ZNF385D: variants seen among roughly 807,000 people sequenced by gnomAD.
ZNF385D encodes zinc finger protein 385D.
In ZNF385D, 15 loss-of-function variants were observed where a neutral mutation model predicts 35.8. The ratio of observed to expected loss-of-function variants is 0.42; its 90% confidence interval spans 0.28 to 0.64. ZNF385D has a LOEUF of 0.64. Among genes scored for constraint, ZNF385D ranks in the 30% least tolerant of loss-of-function variants. ZNF385D has a pLI of 0.23. For missense variants in ZNF385D, 474 were observed against 494.6 expected (o/e 0.96, Z 0.39); for synonymous variants, 212 against 186.8 (o/e 1.13, Z -1.10).
intron 2 of ZNF385D, among the ~76,000 whole-genome samples, chr3:22,359,089 AAAACAAG>A (rs1315341692): frequency 1.5e-5 from 2 of 131,122 alleles, no homozygotes; most frequent in African/African-American, 6.3e-5. Context: ...AAAAAAACAA[AAAACAAG>A]AAACAAAAAA....
chr3:21,978,985 G>T (rs1041929682), intron 3 of ZNF385D, among the ~76,000 whole-genome samples: 4 of 152,032 alleles, frequency 2.6e-5, no homozygotes, highest in African/African-American at 9.7e-5. Context: ...AAGCTTATTT[G>T]CTCAGTATGC....
At chr3:21,810,664 T>A (rs1441586712) in intron 3 of ZNF385D, among the ~76,000 whole-genome samples, 2 of 152,094 alleles carry the variant, frequency 1.3e-5, no homozygotes, top group African/African-American at 2.4e-5. Context: ...TAAAGCTGGA[T>A]TGTTTGAAAT....
intron 2 of ZNF385D, among the ~76,000 whole-genome samples, chr3:22,329,847 T>C (rs1006587874): frequency 6.6e-6 from 1 of 152,232 alleles, no homozygotes; most frequent in African/African-American, 2.4e-5. Flanking sequence ...ATAAAAATTA[T>C]TGAGATAGCT....
In ZNF385D at chr3:22,239,910, C is replaced by T. The variant is rs147701394; in HGVS notation, c.107-70875G>A. On this transcript the variant is annotated intron_variant, in intron 2 of 5. Coordinates refer to the ZNF385D transcript ENST00000494108. ...AATGATTTCAGCCTGGGCATGGTTG[C>T]CCACGCCTATAATCACAGCACTTTG... Among the ~76,000 whole-genome samples, 19 of 150,740 alleles carry T rather than the reference C, an allele frequency of 1.3e-4. No individual in the cohort carries two copies. The East Asian group carries it at 3.7e-3, about 30-fold the overall frequency.
At chr3:22,225,535 G>A (rs894190006) in intron 2 of ZNF385D, among the ~76,000 whole-genome samples, 3 of 152,112 alleles carry the variant, frequency 2.0e-5, no homozygotes, top group African/African-American at 7.2e-5. Context: ...TTAGGTATGT[G>A]GGGAGGTAAC....
chr3:22,074,523 T>C (rs73139337), intron 3 of ZNF385D, among the ~76,000 whole-genome samples: 7,489 of 151,956 alleles, frequency 0.049, 234 homozygotes, highest in African/African-American at 0.08. Flanking sequence ...TAAGAGAAAA[T>C]TATATAAGCA....
chr3:22,199,865 T>C (rs533608958), intron 2 of ZNF385D, among the ~76,000 whole-genome samples: 1 of 152,228 alleles, frequency 6.6e-6, no homozygotes, highest in South Asian at 2.1e-4. Flanking sequence ...GGATAAAATG[T>C]GAAATTTTAT....
intron 3 of ZNF385D, among the ~76,000 whole-genome samples, chr3:21,952,082 C>G (rs1702093420): frequency 6.6e-6 from 1 of 151,906 alleles, no homozygotes; most frequent in Non-Finnish European, 1.5e-5. Flanking sequence ...CAACTAAGAA[C>G]CAATGATCTC....
At chr3:22,128,911 TA>T (rs1703608327) in intron 3 of ZNF385D, among the ~76,000 whole-genome samples, 1 of 152,190 alleles carries the variant, frequency 6.6e-6, no homozygotes, top group South Asian at 2.1e-4. Flanking sequence ...TTAGAAGAAC[TA>T]GGTATTTATT....
intron 3 of ZNF385D, among the ~76,000 whole-genome samples, chr3:21,517,874 G>T (rs1707678065): frequency 6.6e-6 from 1 of 152,002 alleles, no homozygotes; most frequent in Admixed American, 6.6e-5. Flanking sequence ...TTCATATAAA[G>T]CATTTGTTCT....
intron 2 of ZNF385D, among the ~76,000 whole-genome samples, chr3:22,188,164 C>T (rs938780501): frequency 1.3e-5 from 2 of 151,874 alleles, no homozygotes; most frequent in Admixed American, 6.6e-5. Flanking sequence ...AAGACGAAAC[C>T]GAATTTTCAA....
chr3:22,305,247 C>A (rs752177261), intron 2 of ZNF385D, among the ~76,000 whole-genome samples: 1 of 152,084 alleles, frequency 6.6e-6, no homozygotes, highest in African/African-American at 2.4e-5. Context: ...ATCTCCTTAA[C>A]ATTTATCTGC....
At chr3:22,137,690 AT>A (rs1704237464) in intron 3 of ZNF385D, among the ~76,000 whole-genome samples, 1 of 152,216 alleles carries the variant, frequency 6.6e-6, no homozygotes, top group Admixed American at 6.5e-5. Flanking sequence ...AGAGCTATCT[AT>A]GACAAACCCA....
intron 1 of ZNF385D, among the ~76,000 whole-genome samples, chr3:21,705,996 G>C (rs1230015045): frequency 6.6e-6 from 1 of 152,152 alleles, no homozygotes; most frequent in Non-Finnish European, 1.5e-5. Flanking sequence ...GGCAAAGGTG[G>C]GGGTGAGGAG....
chr3:21,602,360 AT>A (rs1283383138), intron 2 of ZNF385D, among the ~76,000 whole-genome samples: 2 of 152,012 alleles, frequency 1.3e-5, no homozygotes, highest in African/African-American at 2.4e-5. Flanking sequence ...AATCTAGCAC[AT>A]ATTGGCCAGC....
chr3:22,034,297 G>A (rs1347762920), intron 3 of ZNF385D, among the ~76,000 whole-genome samples: 1 of 152,098 alleles, frequency 6.6e-6, no homozygotes, highest in African/African-American at 2.4e-5. Flanking sequence ...GTCATATGAA[G>A]ACAAAACAAG....
At position 21,646,301 on chromosome 3, in the gene ZNF385D, G is replaced by C. The variant is rs912410010; in HGVS notation, c.165+18585C>G. Among the ~76,000 whole-genome samples the C allele has an allele frequency of 6.6e-6, 1 of 152,094 alleles. No individual in the cohort carries two copies. Among genetic ancestry groups the C allele is most frequent in the Non-Finnish European group, 1.5e-5 (1 of 68,032 alleles). ...TATGGACCTGCTTATTTGTGATTGC[G>C]CTTATTACTGTATGTACATCTCACA... On this transcript the variant is annotated intron_variant, in intron 2 of 7. Coordinates refer to ENST00000281523, the MANE Select transcript of ZNF385D (RefSeq NM_024697.3). The surrounding 1 kb of genome is among the most constrained non-coding windows in gnomAD (Gnocchi z 4.3).
chr3:21,757,680 T>C (rs1202981058), intron 3 of ZNF385D, among the ~76,000 whole-genome samples: 1 of 152,176 alleles, frequency 6.6e-6, no homozygotes, highest in Non-Finnish European at 1.5e-5. Context: ...GGAGCTTACA[T>C]TCTAGAATTC....
chr3:21,846,029 T>C (rs964152053), intron 3 of ZNF385D, among the ~76,000 whole-genome samples: 1 of 151,998 alleles, frequency 6.6e-6, no homozygotes, highest in Non-Finnish European at 1.5e-5. Flanking sequence ...AGCCTGCTAG[T>C]AACATACAGA....
Sources: allele counts gnomAD v4.1 joint callset (sites outside exome capture counted in the v4.1 genomes callset), GRCh38; gene constraint gnomAD v4.1.1; non-coding constraint Gnocchi (gnomAD v3.1); transcripts MANE v1.5; gene names NCBI Gene and HGNC (gene_info 2026-07-23, HGNC 2026-07-21).